The following GRIP1 variants were observed in gnomAD, a reference collection of about 807,000 sequenced individuals.
GRIP1 encodes glutamate receptor-interacting protein 1.
A neutral mutation model predicts 129.9 loss-of-function variants in GRIP1; 45 were observed. That is an observed-to-expected ratio of 0.35 (90% CI 0.27 to 0.44). GRIP1 has a LOEUF of 0.44. Among genes scored for constraint, GRIP1 ranks in the 20% least tolerant of loss-of-function variants. The pLI is 1.00. For synonymous variants in GRIP1, 530 were observed against 520.8 expected, an observed-to-expected ratio of 1.02 and a Z score of -0.24; for missense variants, 1,196 against 1,396.8, an observed-to-expected ratio of 0.86 and a Z score of 2.29.
At chr12:66,853,751 TAATACGAGTA>T in intron 1 of GRIP1, among the ~76,000 whole-genome samples, 1 of 152,224 alleles carries the variant, frequency 6.6e-6, no homozygotes, top group South Asian at 2.1e-4. Flanking sequence ...CTTAGCAAAT[TAATACGAGTA>T]AACACTATAT....
At chr12:66,669,923 A>C (rs956041259) in intron 1 of GRIP1, among the ~76,000 whole-genome samples, 10 of 152,234 alleles carry the variant, frequency 6.6e-5, no homozygotes, top group Admixed American at 1.3e-4. Flanking sequence ...AATATCATTT[A>C]ATTGCAAATT....
intron 6 of GRIP1, among the ~76,000 whole-genome samples, chr12:66,517,327 A>C (rs1369868258): frequency 6.6e-6 from 1 of 152,188 alleles, no homozygotes; most frequent in East Asian, 1.9e-4. Context: ...CACATATTCA[A>C]ATTAACAAGG....
intron 1 of GRIP1, among the ~76,000 whole-genome samples, chr12:66,992,711 C>T (rs1330819995): frequency 6.6e-6 from 1 of 152,146 alleles, no homozygotes; most frequent in African/African-American, 2.4e-5. Context: ...TTATACAAAG[C>T]ATATTTTCTG....
At chr12:66,603,365 A>T (rs1342691486) in intron 1 of GRIP1, among the ~76,000 whole-genome samples, 1 of 152,180 alleles carries the variant, frequency 6.6e-6, no homozygotes, top group Non-Finnish European at 1.5e-5. Context: ...GTGTTATAAG[A>T]TCATTTCTTC....
chr12:66,841,454 C>T (rs1345964687), intron 1 of GRIP1, among the ~76,000 whole-genome samples: 3 of 152,072 alleles, frequency 2.0e-5, no homozygotes, highest in Non-Finnish European at 4.4e-5. Context: ...CATATATCAC[C>T]ATCTAATAAG....
At chr12:66,547,447 C>T (rs866304478) in intron 2 of GRIP1, among the ~76,000 whole-genome samples, 1 of 152,242 alleles carries the variant, frequency 6.6e-6, no homozygotes. Flanking sequence ...GAAATGAATG[C>T]TTTCATTCAC....
At chr12:66,659,737 T>C (rs745842497) in intron 1 of GRIP1, among the ~76,000 whole-genome samples, 19 of 152,206 alleles carry the variant, frequency 1.2e-4, no homozygotes, top group Non-Finnish European at 2.2e-4. Context: ...TTTAAAGATA[T>C]AGTTCTTGAA....
At chr12:66,717,145 A>G (rs990665795) in intron 1 of GRIP1, among the ~76,000 whole-genome samples, 2 of 152,156 alleles carry the variant, frequency 1.3e-5, no homozygotes, top group African/African-American at 4.8e-5. Flanking sequence ...TAAGTTATAG[A>G]ACATACATAT....
chr12:66,746,382 T>G (rs916479546), intron 1 of GRIP1, among the ~76,000 whole-genome samples: 3 of 152,198 alleles, frequency 2.0e-5, no homozygotes, highest in African/African-American at 7.2e-5. Flanking sequence ...CCTGGAAGTT[T>G]GTTAGAAATG....
At chr12:66,380,256 A>G (rs542400901) in intron 19 of GRIP1, among the ~76,000 whole-genome samples, 182 of 152,214 alleles carry the variant, frequency 1.2e-3, no homozygotes, top group African/African-American at 3.5e-3. Flanking sequence ...ATAAACTCCT[A>G]GTTGCCAATT....
chr12:66,841,190 G>T (rs554159179), intron 1 of GRIP1, among the ~76,000 whole-genome samples: 4 of 152,240 alleles, frequency 2.6e-5, no homozygotes, highest in African/African-American at 9.6e-5. Context: ...ACGAAAATCT[G>T]AAAATCTGAG....
At chr12:66,497,832 C>T (rs573685855) in intron 7 of GRIP1, among the ~76,000 whole-genome samples, 29 of 152,196 alleles carry the variant, frequency 1.9e-4, no homozygotes, top group Admixed American at 1.4e-3. Flanking sequence ...TGCACGTATA[C>T]GCCCAGATGG....
At chr12:66,721,216 A>C (rs186346213) in intron 1 of GRIP1, among the ~76,000 whole-genome samples, 1 of 152,232 alleles carries the variant, frequency 6.6e-6, no homozygotes, top group Admixed American at 6.5e-5. Context: ...AGATCTCGAC[A>C]ATGATCTTAA....
intron 1 of GRIP1, among the ~76,000 whole-genome samples, chr12:66,942,181 T>C (rs538014305): frequency 6.6e-6 from 1 of 152,372 alleles, no homozygotes; most frequent in East Asian, 1.9e-4. Flanking sequence ...GAGGAATTTA[T>C]GCAAGGTCTC....
intron 1 of GRIP1, among the ~76,000 whole-genome samples, chr12:66,956,290 GA>G (rs1332264065): frequency 7.2e-5 from 11 of 152,118 alleles, no homozygotes; most frequent in Admixed American, 7.2e-4. Flanking sequence ...GAGGTCCCTC[GA>G]TTGGGGTTTT....
chr12:66,512,090 T>C (rs1357550281), intron 7 of GRIP1, among the ~76,000 whole-genome samples: 2 of 152,036 alleles, frequency 1.3e-5, no homozygotes, highest in Non-Finnish European at 1.5e-5. Flanking sequence ...TCTCCATGAT[T>C]GTTAAGTTTC....
At chr12:66,652,689 C>T (rs796334949) in intron 1 of GRIP1, among the ~76,000 whole-genome samples, 3 of 152,346 alleles carry the variant, frequency 2.0e-5, no homozygotes, top group African/African-American at 7.2e-5. Context: ...TGCTAGAAAG[C>T]ATTTCCCTGC....
At chr12:66,745,154 T>A (rs1477867700) in intron 1 of GRIP1, among the ~76,000 whole-genome samples, 1 of 152,180 alleles carries the variant, frequency 6.6e-6, no homozygotes, top group East Asian at 1.9e-4. Context: ...CTCAATAGGA[T>A]GTCAGACTCC....
chr12:66,976,961 G>T (rs1000983105), intron 1 of GRIP1, among the ~76,000 whole-genome samples: 1 of 152,070 alleles, frequency 6.6e-6, no homozygotes, highest in African/African-American at 2.4e-5. Flanking sequence ...AGAAATTTGA[G>T]AAACGAATTC....
Sources: allele counts gnomAD v4.1 joint callset (sites outside exome capture counted in the v4.1 genomes callset), GRCh38; gene constraint gnomAD v4.1.1; transcripts MANE v1.5; gene names NCBI Gene and HGNC (gene_info 2026-07-23, HGNC 2026-07-21).